The following SESTD1 variants were observed in gnomAD, a reference collection of about 807,000 sequenced individuals.
SESTD1 encodes the protein SEC14 and spectrin domain containing 1, also known as SEC14 domain and spectrin repeat-containing protein 1.
Under a neutral mutation model 101.7 loss-of-function variants are expected in SESTD1, and 43 were observed. The observed-to-expected ratio is 0.42, with a 90% CI of 0.33 to 0.55. The LOEUF is 0.55. SESTD1 is among the 20% of genes least tolerant of loss of function. The pLI, the probability that SESTD1 is intolerant of heterozygous loss-of-function variation, is 0.07. For synonymous variants in SESTD1, 283 were observed against 286.8 expected (o/e 0.99, Z 0.13); for missense variants, 647 against 815.1 (o/e 0.79, Z 2.51).
At chr2:179,241,747 C>T (rs929141152) in intron 1 of SESTD1, among the ~76,000 whole-genome samples, 1 of 151,966 alleles carries the variant, frequency 6.6e-6, no homozygotes. Flanking sequence ...ACGGTGAAAC[C>T]CTGTCTCTAC....
At chr2:179,112,910 ACCC>A (rs2044542520) in intron 16 of SESTD1, 65 bp from the exon 17 acceptor site, 14 of 1,492,262 alleles carry the variant, frequency 9.4e-6, no homozygotes, top group Non-Finnish European at 1.2e-5. Context: ...TCAGAGGATC[ACCC>A]CACCCCACAA....
intron 1 of SESTD1, among the ~76,000 whole-genome samples, chr2:179,248,686 TGAATAAAGGA>T (rs1366266991): frequency 6.6e-6 from 1 of 150,734 alleles, no homozygotes; most frequent in Admixed American, 6.6e-5. Context: ...TAGAAAAATA[TGAATAAAGGA>T]GACTTCATCA....
chr2:179,163,931 C>T (rs1484276319), intron 5 of SESTD1, among the ~76,000 whole-genome samples: 2 of 152,112 alleles, frequency 1.3e-5, no homozygotes, highest in South Asian at 2.1e-4. Context: ...AACTATAATA[C>T]TTATCCTTTC....
At chr2:179,236,749 GTTTTTT>G (rs71848548) in intron 1 of SESTD1, among the ~76,000 whole-genome samples, 1 of 135,250 alleles carries the variant, frequency 7.4e-6, no homozygotes, top group African/African-American at 2.6e-5. Flanking sequence ...ATCTGATGTA[GTTTTTT>G]TTTTTTTTTT....
chr2:179,243,449 C>T (rs554299254), intron 1 of SESTD1, among the ~76,000 whole-genome samples: 4 of 152,256 alleles, frequency 2.6e-5, no homozygotes, highest in African/African-American at 7.2e-5. Flanking sequence ...CAAAAAGACA[C>T]ATGCACTTTT....
intron 2 of SESTD1, among the ~76,000 whole-genome samples, chr2:179,183,850 G>GAGAGAGGA (rs1246516813): frequency 6.9e-6 from 1 of 144,898 alleles, no homozygotes; most frequent in African/African-American, 2.5e-5. Context: ...GAGAGAGAGA[G>GAGAGAGGA]AGAGAGGAAG....
intron 7 of SESTD1, among the ~76,000 whole-genome samples, chr2:179,146,741 C>A (rs2045404383): frequency 6.6e-6 from 1 of 152,054 alleles, no homozygotes; most frequent in African/African-American, 2.4e-5. Flanking sequence ...TCAAAGAAGT[C>A]CATTTAGTAT....
chr2:179,180,144 A>C (rs1313050512), intron 3 of SESTD1, among the ~76,000 whole-genome samples: 1 of 152,218 alleles, frequency 6.6e-6, no homozygotes, highest in African/African-American at 2.4e-5. Flanking sequence ...CTGTGTAGAA[A>C]AGAGTCAAGA....
intron 5 of SESTD1, among the ~76,000 whole-genome samples, chr2:179,168,554 A>C (rs1463597392): frequency 6.6e-6 from 1 of 152,204 alleles, no homozygotes; most frequent in Non-Finnish European, 1.5e-5. Context: ...AATAATTTTC[A>C]AAACTAAAAT....
At chr2:179,180,685 A>T (rs1260779282) in intron 3 of SESTD1, among the ~76,000 whole-genome samples, 1 of 152,150 alleles carries the variant, frequency 6.6e-6, no homozygotes, top group Non-Finnish European at 1.5e-5. Flanking sequence ...TCCTGCATAT[A>T]TGAACATTTT....
chr2:179,188,299 A>G (rs545139873), intron 2 of SESTD1, among the ~76,000 whole-genome samples: 2 of 152,214 alleles, frequency 1.3e-5, no homozygotes, highest in African/African-American at 2.4e-5. Context: ...ACACAATTAC[A>G]TGAAAATTAA....
At chr2:179,235,755 C>T (rs1212616535) in intron 1 of SESTD1, among the ~76,000 whole-genome samples, 1 of 152,174 alleles carries the variant, frequency 6.6e-6, no homozygotes, top group Admixed American at 6.5e-5. Context: ...ACTCCACAGC[C>T]AATTCTTTTA....
intron 1 of SESTD1, among the ~76,000 whole-genome samples, chr2:179,228,655 C>T (rs2046927491): frequency 6.6e-6 from 1 of 152,172 alleles, no homozygotes; most frequent in African/African-American, 2.4e-5. Flanking sequence ...AATGAAGTTT[C>T]ATAACTCATG....
chr2:179,130,640 T>G (rs1053555979), intron 10 of SESTD1, among the ~76,000 whole-genome samples: 45 of 152,116 alleles, frequency 3.0e-4, no homozygotes, highest in African/African-American at 8.9e-4. Flanking sequence ...AATAATAAAA[T>G]ATAGATAAAT....
chr2:179,157,308 A>G (rs1238207852), intron 5 of SESTD1, among the ~76,000 whole-genome samples: 1 of 152,194 alleles, frequency 6.6e-6, no homozygotes, highest in African/African-American at 2.4e-5. Flanking sequence ...AAAGCAATCT[A>G]CAAATTCAAC....
intron 1 of SESTD1, among the ~76,000 whole-genome samples, chr2:179,221,247 AGT>A (rs1259971977): frequency 6.6e-6 from 1 of 152,042 alleles, no homozygotes; most frequent in Non-Finnish European, 1.5e-5. Flanking sequence ...AAATTATAAT[AGT>A]GTTACCAAGG....
intron 8 of SESTD1, among the ~76,000 whole-genome samples, chr2:179,144,535 A>G (rs2045353296): frequency 6.6e-6 from 1 of 152,014 alleles, no homozygotes; most frequent in South Asian, 2.1e-4. Flanking sequence ...TGCAACAACT[A>G]AAGCTGTAGA....
intron 17 of SESTD1, among the ~76,000 whole-genome samples, chr2:179,110,324 T>C (rs980218614): frequency 3.9e-5 from 6 of 152,194 alleles, no homozygotes; most frequent in Non-Finnish European, 8.8e-5. Context: ...TGGAAATATG[T>C]GGGTCCAGAA....
intron 1 of SESTD1, among the ~76,000 whole-genome samples, chr2:179,226,201 A>G (rs997129312): frequency 3.3e-5 from 5 of 152,210 alleles, no homozygotes; most frequent in Non-Finnish European, 7.3e-5. Flanking sequence ...TAGGCTACAC[A>G]TACTCTTAAA....
Sources: gnomAD v4.1 joint callset for allele counts (sites outside exome capture counted in the v4.1 genomes callset) on GRCh38, gnomAD v4.1.1 for gene constraint, MANE v1.5 for transcripts, NCBI Gene and HGNC (gene_info 2026-07-23, HGNC 2026-07-21) for gene names.